Variants in ITSN1 observed in about 807,000 individuals in gnomAD.
ITSN1 encodes intersectin-1.
Under a neutral mutation model 239.8 loss-of-function variants are expected in ITSN1, and 58 were observed. That is an observed-to-expected ratio of 0.24 (90% CI 0.20 to 0.30). The LOEUF (loss-of-function observed/expected upper bound fraction) is 0.30, where lower values mean the gene tolerates loss of function less well. ITSN1 is among the 10% of genes least tolerant of loss of function. The probability of loss-of-function intolerance (pLI) is 1.00; values close to 1 mark genes in which losing one functional copy is unlikely to be tolerated. For synonymous variants in ITSN1, 780 were observed against 770.8 expected (o/e 1.01, Z -0.20); for missense variants, 1,558 against 2,103.3 (o/e 0.74, Z 5.07).
intron 2 of ITSN1, among the ~76,000 whole-genome samples, chr21:33,719,855 T>G (rs2065378711): frequency 6.6e-6 from 1 of 151,422 alleles, no homozygotes; most frequent in South Asian, 2.1e-4. Context: ...GTGTTCTTGC[T>G]TACACCCAAG....
chr21:33,717,814 G>T (rs1016064345), intron 1 of ITSN1, among the ~76,000 whole-genome samples: 1 of 152,124 alleles, frequency 6.6e-6, no homozygotes, highest in African/African-American at 2.4e-5. Flanking sequence ...TGATCCGCCC[G>T]CCTTGGCCTC....
chr21:33,833,412 C>T lies in ITSN1; in HGVS notation c.3352-895C>T, dbSNP rs186261242. On this transcript the variant is annotated intron_variant, in intron 27 of 39. Coordinates refer to ENST00000381318, the MANE Select transcript of ITSN1 (RefSeq NM_003024.3). The stretch of plus-strand genomic sequence containing the variant: ...ATCTTGCATCTAAGGATGTATATTA[C>T]CCATAAAGGAGCATGCAGACACATG... Among the ~76,000 whole-genome samples the T allele has an allele frequency of 3.3e-5, 5 of 152,260 alleles. No homozygotes were observed. In the East Asian group the frequency reaches 7.7e-4, roughly 23 times the overall value.
chr21:33,884,808 G>A (rs1985514428), intron 36 of ITSN1, among the ~76,000 whole-genome samples: 1 of 152,168 alleles, frequency 6.6e-6, no homozygotes, highest in Non-Finnish European at 1.5e-5. Flanking sequence ...TCTTCCCCGG[G>A]GACATCATCG....
In ITSN1 at chr21:33,867,309, G is replaced by T; in HGVS notation, c.4151G>T (p.Arg1384Ile). ...CTGAAGCCTATGCAACGGGTAACAA[G>T]ATACCCACTGATCATTAAAAATGTA... ...FILKPMQRVT[R>I]YPLIIKNILE... is the part of the protein sequence containing the mutation. Residue 1384 changes from arginine to isoleucine, a missense_variant, in exon 33 of 40, where the codon AGA becomes ATA. Coordinates refer to ENST00000381318, the MANE Select transcript of ITSN1 (RefSeq NM_003024.3). The T allele has an allele frequency of 6.2e-7, 1 of 1,602,784 alleles. No individual in the cohort carries two copies. Among genetic ancestry groups the T allele is most frequent in the Non-Finnish European group, 8.5e-7 (1 of 1,169,802 alleles).
chr21:33,664,618 T>C (rs968863007), intron 1 of ITSN1, among the ~76,000 whole-genome samples: 2 of 152,350 alleles, frequency 1.3e-5, no homozygotes, highest in Non-Finnish European at 1.5e-5. Context: ...ATTTAACTTT[T>C]CTGTGCCTCA....
At chr21:33,660,658 T>C (rs1025303961) in intron 1 of ITSN1, among the ~76,000 whole-genome samples, 6 of 152,186 alleles carry the variant, frequency 3.9e-5, no homozygotes, top group Non-Finnish European at 7.3e-5. Flanking sequence ...TATACAGATA[T>C]GTAGTTGGAA....
chr21:33,706,193 A>G (rs557933674), intron 1 of ITSN1, among the ~76,000 whole-genome samples: 36 of 151,862 alleles, frequency 2.4e-4, no homozygotes, highest in Non-Finnish European at 5.0e-4. Context: ...TAATTTTTCT[A>G]TTTTTAGTAG....
intron 31 of ITSN1, among the ~76,000 whole-genome samples, chr21:33,861,948 AAAAT>A (rs200952715): frequency 1.4e-5 from 2 of 141,836 alleles, no homozygotes; most frequent in Non-Finnish European, 3.0e-5. Flanking sequence ...TCCGTCTCAA[AAAAT>A]AAATAAATAA....
intron 1 of ITSN1, among the ~76,000 whole-genome samples, chr21:33,685,247 AC>A (rs2146573381): frequency 6.6e-6 from 1 of 152,284 alleles, no homozygotes; most frequent in East Asian, 1.9e-4. Context: ...TTATGTTTTC[AC>A]TGGATATACT....
intron 28 of ITSN1, among the ~76,000 whole-genome samples, chr21:33,835,487 C>G (rs2074548580): frequency 6.6e-6 from 1 of 152,154 alleles, no homozygotes; most frequent in Non-Finnish European, 1.5e-5. Context: ...GCAGACTCAT[C>G]TGAAGTAGAA....
chr21:33,701,172 G>T (rs1400289431), intron 1 of ITSN1, among the ~76,000 whole-genome samples: 1 of 152,134 alleles, frequency 6.6e-6, no homozygotes, highest in African/African-American at 2.4e-5. Flanking sequence ...TTTATAAATG[G>T]ATTAGGCTTG....
intron 34 of ITSN1, among the ~76,000 whole-genome samples, chr21:33,877,939 A>G (rs1348626045): frequency 7.6e-6 from 1 of 131,442 alleles, no homozygotes. Flanking sequence ...AGTCATTCTG[A>G]GTATCTAGTC....
At chr21:33,719,461 C>G (rs777360529) in intron 2 of ITSN1, among the ~76,000 whole-genome samples, 1 of 152,132 alleles carries the variant, frequency 6.6e-6, no homozygotes, top group Non-Finnish European at 1.5e-5. Context: ...AACAAACAAA[C>G]AATACCATAT....
intron 1 of ITSN1, among the ~76,000 whole-genome samples, chr21:33,645,843 G>A (rs1261864797): frequency 2.0e-5 from 3 of 152,150 alleles, no homozygotes; most frequent in Admixed American, 2.0e-4. Flanking sequence ...ACTAGCTCCT[G>A]AAGTGGATAG....
intron 34 of ITSN1, among the ~76,000 whole-genome samples, chr21:33,877,886 G>A (rs890293851): frequency 6.8e-6 from 1 of 147,864 alleles, no homozygotes; most frequent in East Asian, 2.0e-4. Context: ...GTTAAAAAGT[G>A]GATTTTTGCA....
chr21:33,738,748 A>T (rs2147299461), intron 5 of ITSN1, among the ~76,000 whole-genome samples: 1 of 152,020 alleles, frequency 6.6e-6, no homozygotes, highest in East Asian at 1.9e-4. Flanking sequence ...ATTATCACCA[A>T]ACTAACTGGG....
chr21:33,760,469 A>G (rs760232693), intron 8 of ITSN1, among the ~76,000 whole-genome samples: 12 of 152,168 alleles, frequency 7.9e-5, no homozygotes, highest in Non-Finnish European at 1.3e-4. Context: ...AGGATTTTAT[A>G]TGTAAATAAA....
At chr21:33,730,388 CTTTTTTTTTTTTTTT>C (rs71194863) in intron 4 of ITSN1, among the ~76,000 whole-genome samples, 8 of 49,368 alleles carry the variant, frequency 1.6e-4, no homozygotes, top group South Asian at 6.9e-4. Context: ...GCTCTCTGTT[CTTTTTTTTTTTTTTT>C]TTTTTTTTTT....
At chr21:33,686,928 G>A (rs2091270593) in intron 1 of ITSN1, among the ~76,000 whole-genome samples, 1 of 152,144 alleles carries the variant, frequency 6.6e-6, no homozygotes, top group South Asian at 2.1e-4. Flanking sequence ...GGTTTTGTTT[G>A]TCAGTGGCCA....
Sources: allele counts gnomAD v4.1 joint callset (sites outside exome capture counted in the v4.1 genomes callset), GRCh38; gene constraint gnomAD v4.1.1; transcripts MANE v1.5; gene names NCBI Gene and HGNC (gene_info 2026-07-23, HGNC 2026-07-21).